ACER3: variants seen among roughly 807,000 people sequenced by gnomAD.
ACER3 encodes alkCDase 3.
In ACER3, 16 loss-of-function variants were observed where a neutral mutation model predicts 48.9. That is an observed-to-expected ratio of 0.33 (90% CI 0.22 to 0.50). The LOEUF is 0.50. Among genes scored for constraint, ACER3 ranks in the 20% least tolerant of loss-of-function variants. The pLI is 0.98. For missense variants in ACER3, 227 were observed against 326.0 expected (o/e 0.70, Z 2.34); for synonymous variants, 109 against 107.8 (o/e 1.01, Z -0.07).
chr11:76,956,228 C>T (rs1947835289), intron 2 of ACER3, among the ~76,000 whole-genome samples: 1 of 152,130 alleles, frequency 6.6e-6, no homozygotes, highest in Non-Finnish European at 1.5e-5. Flanking sequence ...AACAGCAAAA[C>T]TTGGTGGTTT....
chr11:77,008,245 T>A (rs1949194252), intron 7 of ACER3, among the ~76,000 whole-genome samples: 1 of 152,216 alleles, frequency 6.6e-6, no homozygotes, highest in Non-Finnish European at 1.5e-5. Flanking sequence ...AAAAAGTATA[T>A]CCACTTCATC....
At chr11:76,942,657 T>C (rs551526501) in intron 2 of ACER3, among the ~76,000 whole-genome samples, 1 of 152,156 alleles carries the variant, frequency 6.6e-6, no homozygotes, top group East Asian at 1.9e-4. Flanking sequence ...TTTTTGTTTT[T>C]GTGTCCTTGT....
chr11:76,956,080 A>G (rs1947832240), intron 2 of ACER3, among the ~76,000 whole-genome samples: 1 of 152,204 alleles, frequency 6.6e-6, no homozygotes, highest in Admixed American at 6.5e-5. Flanking sequence ...TAATGGGTAT[A>G]GGCTTTCTTT....
intron 1 of ACER3, among the ~76,000 whole-genome samples, chr11:76,917,330 G>C (rs1946559469): frequency 6.6e-6 from 1 of 152,084 alleles, no homozygotes. Context: ...TAAAGTGAAT[G>C]TGTAATGTAT....
chr11:76,882,889 G>A (rs1945563812), intron 1 of ACER3, among the ~76,000 whole-genome samples: 1 of 152,154 alleles, frequency 6.6e-6, no homozygotes, highest in South Asian at 2.1e-4. Flanking sequence ...ATATGCACGT[G>A]TGGTTCATGG....
chr11:76,990,970 G>C (rs1211477317), intron 6 of ACER3, among the ~76,000 whole-genome samples: 1 of 152,150 alleles, frequency 6.6e-6, no homozygotes, highest in Non-Finnish European at 1.5e-5. Context: ...TGACATGGGA[G>C]GTGATGTACA....
chr11:76,975,190 C>A (rs745770883), intron 3 of ACER3, among the ~76,000 whole-genome samples: 6 of 152,132 alleles, frequency 3.9e-5, no homozygotes, highest in South Asian at 2.1e-4. Context: ...TATATTTAAT[C>A]ATGCTTTCAT....
In ACER3 at chr11:77,024,267, T is replaced by C; in HGVS notation, c.*3940T>C. The C allele has an allele frequency of 2.4e-5, 1 of 40,916 alleles. No individual in the cohort carries two copies. The highest frequency in any genetic ancestry group is 9.1e-5 in the Non-Finnish European group (1 of 11,010). 2.5% of individuals were successfully genotyped at this position (40,916 alleles called of 1,614,324 possible). On this transcript the variant is annotated 3_prime_UTR_variant, in exon 11 of 11. Transcript: ENST00000532485. ...CAGCCTGGGCAACAGAGTGAGACCC[T>C]GTCTCAAAAAAAAAAAAAAAAAAAA...
chr11:76,916,210 G>A (rs1292302549), intron 1 of ACER3, among the ~76,000 whole-genome samples: 1 of 152,096 alleles, frequency 6.6e-6, no homozygotes, highest in Admixed American at 6.6e-5. Flanking sequence ...ATTAATTTTG[G>A]GGAAAAGAAT....
At chr11:76,865,905 C>T (rs1465810563) in intron 1 of ACER3, among the ~76,000 whole-genome samples, 1 of 151,642 alleles carries the variant, frequency 6.6e-6, no homozygotes, top group African/African-American at 2.4e-5. Flanking sequence ...CAACCTGTGC[C>T]TCCTGGGCTC....
At position 77,023,550 on chromosome 11, in the gene ACER3, C is replaced by T. The variant is rs1349675825; in HGVS notation, c.*3223C>T. On this transcript the variant is annotated 3_prime_UTR_variant, in exon 11 of 11. Transcript: ENST00000532485. ...AGCTACCAACGCCATGTTTACGTGA[C>T]AAGAAATTGTTTTGGCCCTGTGGTT... 1 of 204,374 alleles carries T rather than the reference C, an allele frequency of 4.9e-6. No homozygotes were observed. 12.7% of individuals were successfully genotyped at this position (204,374 alleles called of 1,614,324 possible).
chr11:76,957,092 T>G (rs1169918480), intron 2 of ACER3, among the ~76,000 whole-genome samples: 1 of 152,228 alleles, frequency 6.6e-6, no homozygotes, highest in East Asian at 1.9e-4. Context: ...GTTCCTTCTC[T>G]GTGCTTCTGT....
intron 1 of ACER3, among the ~76,000 whole-genome samples, chr11:76,914,550 T>A (rs1178475427): frequency 6.6e-6 from 1 of 152,132 alleles, no homozygotes; most frequent in African/African-American, 2.4e-5. Context: ...AAACAACACG[T>A]GCTGGAGAGG....
chr11:76,883,214 T>G (rs186854255), intron 1 of ACER3, among the ~76,000 whole-genome samples: 369 of 152,338 alleles, frequency 2.4e-3, no homozygotes, highest in Non-Finnish European at 3.9e-3. Flanking sequence ...TGTATTATCC[T>G]GGATTTTACC....
intron 7 of ACER3, among the ~76,000 whole-genome samples, chr11:77,006,277 C>T (rs1555021013): frequency 6.6e-6 from 1 of 151,884 alleles, no homozygotes; most frequent in East Asian, 1.9e-4. Flanking sequence ...GCGTGAGCCA[C>T]CGCGCCTGGC....
intron 1 of ACER3, among the ~76,000 whole-genome samples, chr11:76,896,158 G>A (rs946773518): frequency 5.9e-5 from 9 of 152,068 alleles, no homozygotes; most frequent in African/African-American, 2.2e-4. Flanking sequence ...TGTTAGAATA[G>A]GAAAACTTCT....
chr11:76,933,953 T>G (rs555069622), intron 2 of ACER3, among the ~76,000 whole-genome samples: 4 of 150,908 alleles, frequency 2.7e-5, no homozygotes, highest in Admixed American at 2.6e-4. Context: ...GCAGAGACGC[T>G]CCTCACCTCC....
At chr11:76,922,926 A>C (rs1321660127) in intron 1 of ACER3, among the ~76,000 whole-genome samples, 3 of 152,140 alleles carry the variant, frequency 2.0e-5, no homozygotes, top group African/African-American at 7.2e-5. Flanking sequence ...CTCTCCTTTC[A>C]GGGTCTAGCT....
chr11:76,945,565 C>T (rs376540474), intron 2 of ACER3, among the ~76,000 whole-genome samples: 8 of 152,054 alleles, frequency 5.3e-5, no homozygotes, highest in South Asian at 2.1e-4. Context: ...CTTGGACACC[C>T]GCTGAGCCAG....
Sources: allele counts gnomAD v4.1 joint callset (sites outside exome capture counted in the v4.1 genomes callset), GRCh38; gene constraint gnomAD v4.1.1; transcripts MANE v1.5; gene names NCBI Gene and HGNC (gene_info 2026-07-23, HGNC 2026-07-21).